Variants in XPOT observed in about 807,000 individuals in gnomAD.
XPOT encodes exportin-T.
In XPOT, 34 loss-of-function variants were observed where a neutral mutation model predicts 128.2. The ratio of observed to expected loss-of-function variants is 0.27; its 90% CI spans 0.20 to 0.35. The LOEUF is 0.35. Ranked by LOEUF, XPOT falls within the 10% of genes least tolerant of loss-of-function variation. The pLI is 1.00. For synonymous variants in XPOT, 348 were observed against 394.3 expected (o/e 0.88, Z 1.39); for missense variants, 838 against 1,125.3 (o/e 0.74, Z 3.65).
rs752235717 is a variant in XPOT, at chr12:64,434,493, G to T, written c.2453-14G>T. On this transcript the variant is annotated splice_polypyrimidine_tract_variant and intron_variant, in intron 19 of 24. Coordinates refer to ENST00000332707, the MANE Select transcript of XPOT (RefSeq NM_007235.6). The stretch of plus-strand genomic sequence containing the variant: ...ATTTTGGAAATTGCTTAAACTAAAG[G>T]TTTTTCTCCTCAGGTGCAGAGAATG... The T allele has an allele frequency of 6.3e-7, 1 of 1,592,766 alleles. No individual in the cohort carries two copies. The highest frequency in any genetic ancestry group is 8.6e-7 in the Non-Finnish European group (1 of 1,163,434).
At chr12:64,421,779 A>C (rs1204918641) in intron 9 of XPOT, among the ~76,000 whole-genome samples, 1 of 151,884 alleles carries the variant, frequency 6.6e-6, no homozygotes, top group Non-Finnish European at 1.5e-5. Context: ...TTGTTATTTT[A>C]ATTTACATAT....
At position 64,421,496 on chromosome 12, in the gene XPOT, G is replaced by A. The variant is rs776797884; in HGVS notation, c.1080+25G>A. On this transcript the variant is annotated intron_variant, in intron 9 of 24. Transcript: ENST00000332707. ...GGTAAGTTTTTGTTTTATTCTTTTT[G>A]CTCAATACATAATACAAAGGAGCCA... 2.0e-6 allele frequency: 3 copies of A among 1,502,722 alleles called. No individual in the cohort carries two copies. The South Asian group carries it at 3.4e-5, about 17-fold the overall frequency. The allele number at this position is 1,502,722 out of a possible 1,614,324, so 93.1% of individuals were successfully genotyped here.
intron 22 of XPOT, among the ~76,000 whole-genome samples, chr12:64,436,925 A>G (rs2040287395): frequency 6.6e-6 from 1 of 152,208 alleles, no homozygotes. Flanking sequence ...AAAATCTCAA[A>G]TACTTTTTTT....
At chr12:64,447,639 C>T (rs911217436) in intron 24 of XPOT, among the ~76,000 whole-genome samples, 2 of 152,176 alleles carry the variant, frequency 1.3e-5, no homozygotes, top group African/African-American at 2.4e-5. Flanking sequence ...CCACCACACC[C>T]GGCTAATTTT....
Position 64,425,366 on chromosome 12 carries a change from A to G in XPOT, c.1481A>G (p.Gln494Arg). ...GTAACATCAGGAGTCAGTTCCTATC[A>G]GCATACATCTGTGACATTGGAGTTC... is the stretch of plus-strand genomic sequence containing the variant. ...TLVTSGVSSY[Q>R]HTSVTLEFFE... The change falls in exon 14 of 25, where the codon CAG (glutamine) becomes CGG (arginine). Residue 494 changes from glutamine to arginine, a missense_variant. By Grantham distance (43) the Gln-to-Arg change is conservative (BLOSUM62 1). This residue lies in a region of XPOT where 761 missense variants were observed against 988.3 expected (regional missense o/e 0.77). Coordinates refer to ENST00000332707, the MANE Select transcript of XPOT (RefSeq NM_007235.6). The G allele has an allele frequency of 6.2e-7, 1 of 1,613,442 alleles. No individual in the cohort carries two copies. Among genetic ancestry groups the G allele is most frequent in the East Asian group, 2.2e-5 (1 of 44,866 alleles).
At chr12:64,412,765 G>A (rs1235881456) in intron 2 of XPOT, among the ~76,000 whole-genome samples, 2 of 152,092 alleles carry the variant, frequency 1.3e-5, no homozygotes, top group East Asian at 1.9e-4. Flanking sequence ...CTTACAAACC[G>A]CCCCCACTTA....
At position 64,416,800 on chromosome 12, in the gene XPOT, C is replaced by A; in HGVS notation, c.200+46C>A. 3 of 1,498,074 alleles carry A rather than the reference C, an allele frequency of 2.0e-6. No individual in the cohort carries two copies. The South Asian group carries it at 3.5e-5, about 18-fold the overall frequency. The allele number at this position is 1,498,074 out of a possible 1,614,324, so 92.8% of individuals were successfully genotyped here. ...TTGACTCAGATTTGCGGGGAGAGGT[C>A]ATTTTTTTAATTTAATGTTTTTCTT... On this transcript the variant is annotated intron_variant, in intron 4 of 24. Coordinates refer to ENST00000332707, the MANE Select transcript of XPOT (RefSeq NM_007235.6).
chr12:64,434,631 A>G lies in XPOT; in HGVS notation c.2569+8A>G. On this transcript the variant is annotated splice_region_variant and intron_variant, in intron 20 of 24. Transcript: ENST00000332707. ...AGTTGGTAGAACTCTGGGGTAAGATAATTTTATTTCTTAACCTTCATTTCC... is the reference window on the plus strand; with the variant it reads ...AGTTGGTAGAACTCTGGGGTAAGATGATTTTATTTCTTAACCTTCATTTCC... 1 of 1,606,968 alleles carries G rather than the reference A, an allele frequency of 6.2e-7. No individual in the cohort carries two copies. Among genetic ancestry groups the G allele is most frequent in the Non-Finnish European group, 8.5e-7 (1 of 1,173,614 alleles).
At position 64,450,418 on chromosome 12, in the gene XPOT, T is replaced by C. The variant is rs1329820533; in HGVS notation, c.*2287T>C. ...CCCACTGGCCTCACAATGTTGGGAT[T>C]ACAGGTATAAGCCACTGCACACGGC... On this transcript the variant is annotated 3_prime_UTR_variant, in exon 25 of 25. Transcript: ENST00000332707. The C allele has an allele frequency of 6.6e-6, 1 of 152,224 alleles. No homozygotes were observed. Among genetic ancestry groups the C allele is most frequent in the East Asian group, 1.9e-4 (1 of 5,198 alleles). The allele number at this position is 152,224 out of a possible 1,614,324, so 9.4% of individuals were successfully genotyped here. A position where few individuals can be genotyped will look rare whatever the true frequency, so the allele number is the denominator to read the frequency against.
At position 64,421,466 on chromosome 12, in the gene XPOT, A is replaced by C; in HGVS notation, c.1075A>C (p.Lys359Gln). 1 of 1,604,992 alleles carries C rather than the reference A, an allele frequency of 6.2e-7. No homozygotes were observed. Among genetic ancestry groups the C allele is most frequent in the Non-Finnish European group, 8.5e-7 (1 of 1,171,938 alleles). ...GFCYDYLHIL[K>Q]QLTVLSDQQK... ...TTGTTACGATTATCTTCATATTTTG[A>C]AACAGGTAAGTTTTTGTTTTATTCT... Residue 359 changes from lysine (K) to glutamine (Q), a missense_variant, in exon 9 of 25, where the codon AAA (lysine) becomes CAA (glutamine). Around this residue, in one of 3 missense-constraint regions of XPOT, gnomAD observed 761 missense variants for 988.3 expected, o/e 0.77. Coordinates refer to ENST00000332707, the MANE Select transcript of XPOT (RefSeq NM_007235.6).
At position 64,420,500 on chromosome 12, in the gene XPOT, T is replaced by C. The variant is rs748872465; in HGVS notation, c.822T>C (p.Ala274=). Residue 274 remains alanine, a synonymous_variant, in exon 8 of 25, where the codon GCT becomes GCC. Transcript: ENST00000332707. Reference sequence around the variant, plus strand: ...CTTTGTGTCAAGTATTACAGTCTGCTGGGTTTTTCAGCATTGACCAGGTTG... The same window carrying C: ...CTTTGTGTCAAGTATTACAGTCTGCCGGGTTTTTCAGCATTGACCAGGTTG... The part of the protein sequence containing the change: ...VESLCQVLQS[A]GFFSIDQEED... 6.2e-7 allele frequency: 1 copy of C among 1,612,110 alleles called. No individual in the cohort carries two copies.
At chr12:64,439,454 C>T (rs1056153175) in intron 23 of XPOT, 139 bp downstream of exon 23, 14 of 724,040 alleles carry the variant, frequency 1.9e-5, no homozygotes, top group African/African-American at 1.8e-4. Context: ...ACTGTTTATG[C>T]TTATCACCAT....
chr12:64,432,033 C>T (rs371639383), intron 18 of XPOT, among the ~76,000 whole-genome samples: 1 of 152,104 alleles, frequency 6.6e-6, no homozygotes, highest in East Asian at 1.9e-4. Context: ...TGAATATAAA[C>T]AGACCCTAAC....
intron 2 of XPOT, among the ~76,000 whole-genome samples, chr12:64,413,193 C>T (rs986117886): frequency 1.2e-4 from 18 of 152,282 alleles, no homozygotes; most frequent in South Asian, 2.1e-4. Context: ...CTGTTGACCC[C>T]GAAGTCTCTA....
chr12:64,427,099 G>A (rs760370228), intron 15 of XPOT, among the ~76,000 whole-genome samples: 24 of 151,268 alleles, frequency 1.6e-4, no homozygotes, highest in Non-Finnish European at 2.1e-4. Context: ...TGTCAGGTCA[G>A]GTAGATGTAC....
intron 1 of XPOT, among the ~76,000 whole-genome samples, chr12:64,409,472 A>G (rs1165183974): frequency 6.6e-6 from 1 of 152,248 alleles, no homozygotes; most frequent in Non-Finnish European, 1.5e-5. Flanking sequence ...GGGGTGGCTC[A>G]TGCCTGTAAT....
intron 16 of XPOT, among the ~76,000 whole-genome samples, chr12:64,429,380 T>G (rs981504414): frequency 3.9e-5 from 6 of 152,068 alleles, no homozygotes; most frequent in African/African-American, 1.4e-4. Context: ...TACAGACACA[T>G]GCAAAATAAT....
In XPOT at chr12:64,449,759, C is replaced by G. The variant is rs1288566463; in HGVS notation, c.*1628C>G. 6.6e-6 allele frequency: 1 copy of G among 152,166 alleles called. No homozygotes were observed. Among genetic ancestry groups the G allele is most frequent in the African/African-American group, 2.4e-5 (1 of 41,420 alleles). 9.4% of individuals were successfully genotyped at this position (152,166 alleles called of 1,614,324 possible). On this transcript the variant is annotated 3_prime_UTR_variant, in exon 25 of 25. Coordinates refer to ENST00000332707, the MANE Select transcript of XPOT (RefSeq NM_007235.6). ...GTTTTCAGAAATAGATAAGTGAAAG[C>G]TGAGTGTTTCTTTGATAGGTTCCCC...
intron 23 of XPOT, among the ~76,000 whole-genome samples, chr12:64,440,073 G>A (rs999332889): frequency 7.2e-5 from 11 of 152,274 alleles, no homozygotes; most frequent in African/African-American, 2.6e-4. Context: ...TGGATCTCCA[G>A]AACATATTCA....
Sources: gnomAD v4.1 joint callset for allele counts (sites outside exome capture counted in the v4.1 genomes callset) on GRCh38, gnomAD v4.1.1 for gene constraint, gnomAD v4.1.1 regional missense constraint, MANE v1.5 for transcripts, NCBI Gene and HGNC (gene_info 2026-07-23, HGNC 2026-07-21) for gene names.